SMAP1: variants seen among roughly 807,000 people sequenced by gnomAD.
SMAP1 encodes the protein stromal membrane-associated protein 1.
A neutral mutation model predicts 58.5 loss-of-function variants in SMAP1; 24 were observed. The observed-to-expected ratio is 0.41, with a 90% CI of 0.30 to 0.58. The LOEUF (loss-of-function observed/expected upper bound fraction) is 0.58, where lower values mean the gene tolerates loss of function less well. SMAP1 is among the 20% of genes least tolerant of loss of function. SMAP1 has a pLI of 0.29. For synonymous variants in SMAP1, 216 were observed against 196.6 expected (o/e 1.10, Z -0.82); for missense variants, 563 against 566.3 (o/e 0.99, Z 0.06).
intron 3 of SMAP1, among the ~76,000 whole-genome samples, chr6:70,772,102 G>A (rs1767349810): frequency 6.6e-6 from 1 of 152,184 alleles, no homozygotes; most frequent in Non-Finnish European, 1.5e-5. Context: ...ATATCTTGGG[G>A]ATATGAGATG....
intron 1 of SMAP1, among the ~76,000 whole-genome samples, chr6:70,691,163 T>C (rs943681872): frequency 6.6e-6 from 1 of 152,222 alleles, no homozygotes; most frequent in African/African-American, 2.4e-5. Context: ...CTATCATTGC[T>C]GATATTGGTA....
At chr6:70,734,408 A>G (rs1765543709) in intron 2 of SMAP1, 1 of 152,310 alleles carries the variant, frequency 6.6e-6, no homozygotes, top group Admixed American at 6.5e-5. Context: ...GGCCCCCCAA[A>G]GTGCTGGGAC....
intron 7 of SMAP1, among the ~76,000 whole-genome samples, chr6:70,846,076 G>A (rs1770977443): frequency 6.6e-6 from 1 of 152,188 alleles, no homozygotes; most frequent in Non-Finnish European, 1.5e-5. Context: ...CTCTAAGAGA[G>A]GCGATTTTAC....
At chr6:70,679,427 A>G (rs1044051457) in intron 1 of SMAP1, among the ~76,000 whole-genome samples, 2 of 152,244 alleles carry the variant, frequency 1.3e-5, no homozygotes, top group Non-Finnish European at 1.5e-5. Flanking sequence ...TTAAAAATAC[A>G]TGCATGCAAG....
intron 10 of SMAP1, chr6:70,859,279 T>TA (rs1333264470): frequency 7.3e-7 from 1 of 1,365,990 alleles, no homozygotes; most frequent in Non-Finnish European, 1.0e-6. Flanking sequence ...CAGCTCAGGT[T>TA]AAGGTGCTAG....
chr6:70,769,977 G>A (rs1487599273), intron 3 of SMAP1, among the ~76,000 whole-genome samples: 1 of 151,656 alleles, frequency 6.6e-6, no homozygotes, highest in South Asian at 2.1e-4. Context: ...GCATTTGCTT[G>A]TCTGTAAAGG....
chr6:70,682,170 A>ATTTTTTTTTTTTTTTT (rs66981900), intron 1 of SMAP1, among the ~76,000 whole-genome samples: 2 of 95,918 alleles, frequency 2.1e-5, no homozygotes, highest in Admixed American at 1.2e-4. Context: ...CTCTGCACAG[A>ATTTTTTTTTTTTTTTT]TTTTTTTTTT....
chr6:70,852,727 AT>A, intron 8 of SMAP1, 63 bp downstream of exon 8: 1 of 1,441,428 alleles, frequency 6.9e-7, no homozygotes, highest in Non-Finnish European at 9.2e-7. Context: ...AAGTTTCAAA[AT>A]TTCAATTTTG....
At chr6:70,769,031 G>A (rs1042281390) in intron 3 of SMAP1, among the ~76,000 whole-genome samples, 53 of 152,248 alleles carry the variant, frequency 3.5e-4, no homozygotes, top group African/African-American at 1.2e-3. Flanking sequence ...TCAGGAGCAG[G>A]TTGTTCAGTT....
At chr6:70,771,425 CT>C in intron 3 of SMAP1, among the ~76,000 whole-genome samples, 1 of 152,370 alleles carries the variant, frequency 6.6e-6, no homozygotes, top group African/African-American at 2.4e-5. Context: ...TTCCAGGCTG[CT>C]TTGTTTACCT....
At chr6:70,694,559 A>G (rs1376675197) in intron 1 of SMAP1, 1 of 152,710 alleles carries the variant, frequency 6.5e-6, no homozygotes, top group Non-Finnish European at 1.5e-5. Context: ...AAGCGACACA[A>G]TGAAGTGTTG....
chr6:70,746,419 G>A (rs151294365), intron 2 of SMAP1, among the ~76,000 whole-genome samples: 1,524 of 152,234 alleles, frequency 0.01, 29 homozygotes, highest in African/African-American at 0.034. Flanking sequence ...TTCTGCATCT[G>A]TTGAGATAAT....
chr6:70,702,454 T>C (rs1191632614), intron 1 of SMAP1, among the ~76,000 whole-genome samples: 1 of 152,146 alleles, frequency 6.6e-6, no homozygotes, highest in East Asian at 1.9e-4. Context: ...TCACATTCTT[T>C]TAGCAGTTTT....
chr6:70,734,584 C>G (rs1765551501), intron 2 of SMAP1: 1 of 152,626 alleles, frequency 6.6e-6, no homozygotes, highest in Non-Finnish European at 1.5e-5. Flanking sequence ...CTCAGCATCG[C>G]CTGTGCTCTG....
intron 6 of SMAP1, among the ~76,000 whole-genome samples, chr6:70,823,859 C>T (rs1212426289): frequency 6.6e-6 from 1 of 150,486 alleles, no homozygotes; most frequent in African/African-American, 2.4e-5. Context: ...TTTTCAGTTC[C>T]CCCTGCCAGA....
intron 1 of SMAP1, among the ~76,000 whole-genome samples, chr6:70,675,214 T>G (rs1386907324): frequency 8.8e-5 from 13 of 147,932 alleles, no homozygotes; most frequent in Non-Finnish European, 1.6e-4. Context: ...TTTTTTTTTT[T>G]TTTTTTTTTT....
intron 2 of SMAP1, among the ~76,000 whole-genome samples, chr6:70,738,693 C>G (rs1765707677): frequency 6.6e-6 from 1 of 152,128 alleles, no homozygotes; most frequent in South Asian, 2.1e-4. Flanking sequence ...TCTGTGGCCT[C>G]AACTTGAATT....
chr6:70,857,124 C>A, intron 9 of SMAP1, 94 bp downstream of exon 9: 1 of 1,251,280 alleles, frequency 8.0e-7, no homozygotes, highest in Non-Finnish European at 1.1e-6. Context: ...TTTATTGTTC[C>A]ATGTAGTGAG....
At chr6:70,857,703 A>C in intron 9 of SMAP1, 1 of 553,872 alleles carries the variant, frequency 1.8e-6, no homozygotes, top group Non-Finnish European at 3.2e-6. Flanking sequence ...TACATTTCTT[A>C]ATTAAATTTA....
Sources: allele counts gnomAD v4.1 joint callset (sites outside exome capture counted in the v4.1 genomes callset), GRCh38; gene constraint gnomAD v4.1.1; transcripts MANE v1.5; gene names NCBI Gene and HGNC (gene_info 2026-07-23, HGNC 2026-07-21).